Variants in GALNT7 observed in about 807,000 individuals in gnomAD.
GALNT7 encodes the protein N-acetylgalactosaminyltransferase 7.
GALNT7 carries 60 observed loss-of-function variants against 82.1 expected under a neutral mutation model. The ratio of observed to expected loss-of-function variants is 0.73; its 90% CI spans 0.59 to 0.91. The LOEUF is 0.91. Among genes scored for constraint, GALNT7 ranks in the 40% least tolerant of loss-of-function variants. GALNT7 has a pLI of 0.00. For missense variants in GALNT7, 660 were observed against 804.2 expected (o/e 0.82, Z 2.17); for synonymous variants, 243 against 275.1 (o/e 0.88, Z 1.15).
intron 11 of GALNT7, among the ~76,000 whole-genome samples, chr4:173,319,355 T>C (rs1490979061): frequency 3.3e-5 from 5 of 152,180 alleles, no homozygotes; most frequent in Admixed American, 3.3e-4. Context: ...AAGCAAGGAC[T>C]TGTTTGCTAT....
intron 8 of GALNT7, among the ~76,000 whole-genome samples, chr4:173,307,526 TA>T (rs1737204313): frequency 1.3e-5 from 2 of 152,154 alleles, no homozygotes; most frequent in African/African-American, 2.4e-5. Context: ...GCCATGTTGG[TA>T]GCAGTATGTG....
Position 173,244,874 on chromosome 4 carries a change from A to G in GALNT7, c.127-3106A>G, listed in dbSNP as rs918102760. Among the ~76,000 whole-genome samples, 7 of 152,216 alleles carry G rather than the reference A, an allele frequency of 4.6e-5. No individual in the cohort carries two copies. The East Asian group carries it at 9.6e-4, about 21-fold the overall frequency. On this transcript the variant is annotated intron_variant, in intron 1 of 11. Transcript: ENST00000265000. ...AGGGTGATTGCAGGTTTTGGATTTC[A>G]TCAGTTGAGTGAATGGTGGTTTCAG... is the stretch of plus-strand genomic sequence containing the variant.
chr4:173,212,549 A>G (rs1053956305), intron 1 of GALNT7, among the ~76,000 whole-genome samples: 5 of 151,952 alleles, frequency 3.3e-5, no homozygotes, highest in Admixed American at 3.3e-4. Flanking sequence ...ATCCAAAGAG[A>G]TGAAGGGATT....
At chr4:173,315,097 C>A (rs958199705) in intron 9 of GALNT7, among the ~76,000 whole-genome samples, 1 of 152,160 alleles carries the variant, frequency 6.6e-6, no homozygotes, top group Non-Finnish European at 1.5e-5. Flanking sequence ...GTAAGGAAAG[C>A]CTCTCTGAGG....
chr4:173,180,784 C>G (rs1321009388), intron 1 of GALNT7, among the ~76,000 whole-genome samples: 1 of 152,168 alleles, frequency 6.6e-6, no homozygotes, highest in Non-Finnish European at 1.5e-5. Flanking sequence ...TTACCCTTCT[C>G]CTGGTAGTTT....
intron 2 of GALNT7, among the ~76,000 whole-genome samples, chr4:173,289,835 T>G (rs1156855572): frequency 1.3e-5 from 2 of 152,218 alleles, no homozygotes; most frequent in African/African-American, 4.8e-5. Context: ...GTTTTAATTT[T>G]ACCTGTTGCT....
intron 1 of GALNT7, among the ~76,000 whole-genome samples, chr4:173,190,007 T>TC (rs1732576374): frequency 6.6e-6 from 1 of 151,948 alleles, no homozygotes; most frequent in Non-Finnish European, 1.5e-5. Context: ...TTTTTTTTTT[T>TC]CTCTTACATA....
intron 2 of GALNT7, among the ~76,000 whole-genome samples, chr4:173,261,638 G>A (rs1735267295): frequency 1.3e-5 from 2 of 152,014 alleles, no homozygotes; most frequent in South Asian, 2.1e-4. Context: ...CCAACATGGT[G>A]AAACCTCATC....
At chr4:173,249,044 A>G (rs1384786571) in intron 2 of GALNT7, among the ~76,000 whole-genome samples, 1 of 152,240 alleles carries the variant, frequency 6.6e-6, no homozygotes, top group African/African-American at 2.4e-5. Context: ...TTCATGTAGT[A>G]TGATTTTTAA....
intron 2 of GALNT7, among the ~76,000 whole-genome samples, chr4:173,252,899 G>T (rs1334344627): frequency 6.6e-6 from 1 of 152,008 alleles, no homozygotes; most frequent in Admixed American, 6.6e-5. Flanking sequence ...AGTTACAGGG[G>T]AGTCAGAAAA....
At chr4:173,284,547 C>T (rs1427079216) in intron 2 of GALNT7, among the ~76,000 whole-genome samples, 1 of 152,188 alleles carries the variant, frequency 6.6e-6, no homozygotes, top group East Asian at 1.9e-4. Context: ...CTTCAGCATG[C>T]TCCAGGGACC....
At chr4:173,298,350 A>G (rs1580002053) in intron 6 of GALNT7, 53 bp downstream of exon 6, 6 of 1,197,428 alleles carry the variant, frequency 5.0e-6, no homozygotes, top group Non-Finnish European at 5.9e-6. Flanking sequence ...CTGCTAACCT[A>G]TTAACCTCTT....
chr4:173,288,455 CA>C (rs1736420145), intron 2 of GALNT7, among the ~76,000 whole-genome samples: 1 of 151,854 alleles, frequency 6.6e-6, no homozygotes, highest in African/African-American at 2.4e-5. Context: ...AAACAGCCAG[CA>C]AGACTCCCCA....
rs1352032342 is a variant in GALNT7 at position 173,216,709 on chromosome 4, A to ATG, written c.127-31270_127-31269insGT. 5.5e-3 allele frequency among the ~76,000 whole-genome samples: 88 copies of ATG among 16,080 alleles called. 1 individual carries two copies. Among genetic ancestry groups the ATG allele is most frequent in the African/African-American group, 0.013 (85 of 6,420 alleles). The allele number at this position is 16,080 out of a possible 152,430, so 10.5% of individuals were successfully genotyped here. A position where few individuals can be genotyped will look rare whatever the true frequency, so the allele number is the denominator to read the frequency against. The stretch of plus-strand genomic sequence containing the variant: ...ATTTGGTTTCTTGTGTACTATTCAT[A>ATG]TATATATATATATATATATTTTTTT... On this transcript the variant is annotated intron_variant, in intron 1 of 11. Transcript: ENST00000265000.
chr4:173,226,448 C>T (rs1157407040), intron 1 of GALNT7, among the ~76,000 whole-genome samples: 2 of 152,142 alleles, frequency 1.3e-5, no homozygotes, highest in Non-Finnish European at 2.9e-5. Context: ...CTTGTCTTTA[C>T]AGCCATTCTT....
chr4:173,172,815 A>G (rs903603005), intron 1 of GALNT7, among the ~76,000 whole-genome samples: 3 of 152,218 alleles, frequency 2.0e-5, no homozygotes, highest in African/African-American at 4.8e-5. Flanking sequence ...GAGAATGACA[A>G]GTAGAATGAT....
chr4:173,295,282 C>T, intron 3 of GALNT7, 114 bp from the exon 4 acceptor site: 1 of 698,090 alleles, frequency 1.4e-6, no homozygotes, highest in East Asian at 2.6e-5. Context: ...GCAATCTGGT[C>T]CATGTAAAAT....
chr4:173,196,674 G>A (rs960172286), intron 1 of GALNT7, among the ~76,000 whole-genome samples: 1 of 152,210 alleles, frequency 6.6e-6, no homozygotes, highest in African/African-American at 2.4e-5. Flanking sequence ...GCATTCATTA[G>A]CTATTCTTCC....
At chr4:173,285,384 A>G (rs529350924) in intron 2 of GALNT7, among the ~76,000 whole-genome samples, 17 of 152,218 alleles carry the variant, frequency 1.1e-4, no homozygotes, top group African/African-American at 3.6e-4. Flanking sequence ...GGTCACTTCT[A>G]TTTGTTCCCA....
Sources: gnomAD v4.1 joint callset for allele counts (sites outside exome capture counted in the v4.1 genomes callset) on GRCh38, gnomAD v4.1.1 for gene constraint, MANE v1.5 for transcripts, NCBI Gene and HGNC (gene_info 2026-07-23, HGNC 2026-07-21) for gene names.